Variants in MAF observed in about 807,000 individuals in gnomAD.
MAF encodes the protein MAF bZIP transcription factor.
Under a neutral mutation model 22.0 loss-of-function variants are expected in MAF, and 10 were observed. That is an observed-to-expected ratio of 0.45 (90% CI 0.28 to 0.77). The LOEUF is 0.77. MAF is among the 30% of genes least tolerant of loss of function. The probability of loss-of-function intolerance (pLI) is 0.12; values close to 1 mark genes in which losing one functional copy is unlikely to be tolerated. For synonymous variants in MAF, 337 were observed against 255.8 expected (o/e 1.32, Z -3.03); for missense variants, 544 against 548.4 (o/e 0.99, Z 0.08).
At chr16:79,545,182 G>GA in the MAF span, among the ~76,000 whole-genome samples, 3 of 151,766 alleles carry the variant, frequency 2.0e-5, no homozygotes, top group South Asian at 4.2e-4. Context: ...TAATGTGGAG[G>GA]AAAAAAAAGT....
the MAF span, among the ~76,000 whole-genome samples, chr16:79,554,964 C>T: frequency 1.3e-5 from 2 of 152,134 alleles, no homozygotes; most frequent in African/African-American, 4.8e-5. Context: ...TCCTCTGAGC[C>T]TACAGCCCAG....
the MAF span, among the ~76,000 whole-genome samples, chr16:79,474,784 C>A: frequency 0.37 from 55,579 of 151,986 alleles, 11,782 homozygotes; most frequent in Middle Eastern, 0.48. Context: ...GGGACCATCC[C>A]ATGTCAGGAA....
chr16:79,492,992 T>G, the MAF span, among the ~76,000 whole-genome samples: 1 of 151,882 alleles, frequency 6.6e-6, no homozygotes, highest in Admixed American at 6.6e-5. Context: ...AGAGACTCAC[T>G]CTGTCATCCA....
the MAF span, among the ~76,000 whole-genome samples, chr16:79,253,524 C>T: frequency 2.2e-4 from 34 of 152,190 alleles, no homozygotes; most frequent in Middle Eastern, 3.4e-3. Context: ...TATGTGCTGC[C>T]GAAGCTAGCA....
chr16:79,463,039 G>A, the MAF span, among the ~76,000 whole-genome samples: 1 of 152,158 alleles, frequency 6.6e-6, no homozygotes, highest in Non-Finnish European at 1.5e-5. Context: ...TTCAGTCAAT[G>A]GGAATCTCCA....
At chr16:79,281,200 A>T in the MAF span, among the ~76,000 whole-genome samples, 1 of 146,974 alleles carries the variant, frequency 6.8e-6, no homozygotes, top group Non-Finnish European at 1.5e-5. Context: ...TTTTGCACAT[A>T]CATTTAACCA....
At chr16:79,370,189 A>C in the MAF span, among the ~76,000 whole-genome samples, 1 of 152,238 alleles carries the variant, frequency 6.6e-6, no homozygotes, top group East Asian at 1.9e-4. Context: ...AGTAGTCTTA[A>C]TAATTTTTCT....
At chr16:79,417,839 TC>T in the MAF span, among the ~76,000 whole-genome samples, 1 of 151,398 alleles carries the variant, frequency 6.6e-6, no homozygotes, top group African/African-American at 2.4e-5. Flanking sequence ...GCTGGAGAGC[TC>T]CACACGACGC....
the MAF span, among the ~76,000 whole-genome samples, chr16:79,302,317 G>A: frequency 6.6e-6 from 1 of 152,208 alleles, no homozygotes; most frequent in Non-Finnish European, 1.5e-5. Context: ...AATTTCTAAT[G>A]AGCAATGAAT....
At chr16:79,410,222 T>G in the MAF span, among the ~76,000 whole-genome samples, 668 of 152,340 alleles carry the variant, frequency 4.4e-3, 8 homozygotes, top group African/African-American at 0.015. Context: ...TTTTTTTGTC[T>G]ATAAATCTTT....
the MAF span, among the ~76,000 whole-genome samples, chr16:79,255,983 T>TC: frequency 1.9e-5 from 2 of 104,876 alleles, no homozygotes; most frequent in East Asian, 4.7e-4. Context: ...TTTTCTTTTC[T>TC]TTTTTTTTTT....
chr16:79,384,332 C>A, the MAF span, among the ~76,000 whole-genome samples: 1 of 151,584 alleles, frequency 6.6e-6, no homozygotes, highest in East Asian at 1.9e-4. Context: ...GTAATCCCAA[C>A]TACTTGGGAG....
chr16:79,585,843 A>G, exon 2 of MAF: 1 of 572,986 alleles, frequency 1.7e-6, no homozygotes, highest in Non-Finnish European at 3.1e-6. Flanking sequence ...AAAAAAAAAA[A>G]AACTCAAGCA....
chr16:79,427,864 T>G, the MAF span, among the ~76,000 whole-genome samples: 3 of 152,070 alleles, frequency 2.0e-5, no homozygotes, highest in Non-Finnish European at 4.4e-5. Context: ...GCTCTGTGCC[T>G]CCAGGACTTA....
the MAF span, among the ~76,000 whole-genome samples, chr16:79,544,953 T>C: frequency 3.9e-5 from 6 of 152,264 alleles, no homozygotes; most frequent in Middle Eastern, 0.01. Flanking sequence ...TGGCCATTGC[T>C]AAGTTAAGCC....
chr16:79,530,101 C>T, the MAF span, among the ~76,000 whole-genome samples: 2 of 152,148 alleles, frequency 1.3e-5, no homozygotes, highest in African/African-American at 4.8e-5. Flanking sequence ...CAAGTGAGGG[C>T]CAAACAAGTG....
the MAF span, among the ~76,000 whole-genome samples, chr16:79,442,912 C>T: frequency 6.6e-6 from 1 of 152,166 alleles, no homozygotes; most frequent in Non-Finnish European, 1.5e-5. Context: ...GAGCTGCAGA[C>T]TTAATCCACA....
At chr16:79,408,097 A>AAAAC in the MAF span, among the ~76,000 whole-genome samples, 1 of 151,536 alleles carries the variant, frequency 6.6e-6, no homozygotes, top group Non-Finnish European at 1.5e-5. Context: ...AAAAAAAAAA[A>AAAAC]AAACCTAAAG....
chr16:79,303,905 G>A, the MAF span, among the ~76,000 whole-genome samples: 7 of 151,976 alleles, frequency 4.6e-5, no homozygotes, highest in African/African-American at 1.5e-4. Flanking sequence ...GTCAAAATGC[G>A]GGGAGAAAAA....
Sources: allele counts gnomAD v4.1 joint callset (sites outside exome capture counted in the v4.1 genomes callset), GRCh38; gene constraint gnomAD v4.1.1; transcripts MANE v1.5; gene names NCBI Gene and HGNC (gene_info 2026-07-23, HGNC 2026-07-21).